The following HTN1 variants were observed in gnomAD, a reference collection of about 807,000 sequenced individuals.
The protein encoded by HTN1 is histatin-1.
HTN1 carries 18 observed loss-of-function variants against 11.2 expected under a neutral mutation model. The ratio of observed to expected loss-of-function variants is 1.61; its 90% confidence interval spans 1.12 to 2.39. The LOEUF (loss-of-function observed/expected upper bound fraction) is 2.39, where lower values mean the gene tolerates loss of function less well. Ranked by LOEUF, HTN1 falls within the 30% of genes most tolerant of loss-of-function variation. HTN1 has a pLI of 0.00. For missense variants in HTN1, 80 were observed against 67.2 expected, an observed-to-expected ratio of 1.19 and a Z score of -0.67; for synonymous variants, 21 against 20.5, an observed-to-expected ratio of 1.02 and a Z score of -0.07.
intron 1 of HTN1, among the ~76,000 whole-genome samples, 187 bp downstream of exon 1, chr4:70,050,682 G>A (rs1348575001): frequency 6.6e-6 from 1 of 151,834 alleles, no homozygotes; most frequent in East Asian, 1.9e-4. Flanking sequence ...ATTTCTAATA[G>A]GACTGTTCAA....
chr4:70,054,553 T>C, intron 4 of HTN1, 103 bp downstream of exon 4: 3 of 772,548 alleles, frequency 3.9e-6, no homozygotes, highest in Non-Finnish European at 6.3e-6. Context: ...ATCTATATCA[T>C]TAATTGCTAA....
intron 5 of HTN1, chr4:70,056,828 C>T (rs1411677822): frequency 2.0e-5 from 3 of 152,090 alleles, no homozygotes; most frequent in Non-Finnish European, 4.4e-5. Flanking sequence ...ATAAAAATCA[C>T]AATGAGATAC....
At chr4:70,050,771 C>A (rs1725872111) in intron 1 of HTN1, among the ~76,000 whole-genome samples, 1 of 151,880 alleles carries the variant, frequency 6.6e-6, no homozygotes, top group Non-Finnish European at 1.5e-5. Flanking sequence ...TTTTATTTTA[C>A]TTTCTTATTT....
At chr4:70,058,043 G>T (rs1372096350) in intron 5 of HTN1, 3 of 152,116 alleles carry the variant, frequency 2.0e-5, no homozygotes, top group Admixed American at 6.6e-5. Context: ...AAATCTATGA[G>T]ATACTAAAGA....
chr4:70,051,149 A>C (rs1725881691), intron 1 of HTN1, among the ~76,000 whole-genome samples: 1 of 152,200 alleles, frequency 6.6e-6, no homozygotes, highest in Admixed American at 6.5e-5. Flanking sequence ...CAGGAGTTCA[A>C]ATTTTACAAG....
At chr4:70,052,905 T>A in intron 1 of HTN1, 159 bp from the exon 2 acceptor site, 1 of 547,796 alleles carries the variant, frequency 1.8e-6, no homozygotes, top group Admixed American at 3.0e-5. Flanking sequence ...TGAGACCAGA[T>A]GGTCCAGGCT....
At chr4:70,050,617 G>GT (rs1705877256) in intron 1 of HTN1, 122 bp downstream of exon 1, 2 of 151,940 alleles carry the variant, frequency 1.3e-5, no homozygotes, top group African/African-American at 4.8e-5. Context: ...CTTGAATTGC[G>GT]TATTTGCCTA....
At chr4:70,058,340 G>T (rs765257315) in intron 5 of HTN1, 1 of 152,068 alleles carries the variant, frequency 6.6e-6, no homozygotes, top group African/African-American at 2.4e-5. Context: ...GTAAGATGAT[G>T]ATGGAAAACC....
chr4:70,052,347 T>G (rs1725915343), intron 1 of HTN1, among the ~76,000 whole-genome samples: 1 of 152,194 alleles, frequency 6.6e-6, no homozygotes, highest in African/African-American at 2.4e-5. Context: ...CTCTTTACAC[T>G]GTACCTTAAT....
Position 70,054,304 on chromosome 4 carries a change from A to T in HTN1, c.52-18A>T. The T allele has an allele frequency of 7.1e-7, 1 of 1,402,032 alleles. No individual in the cohort carries two copies. The highest frequency in any genetic ancestry group is 1.4e-5 in the South Asian group (1 of 73,052). 86.8% of individuals were successfully genotyped at this position (1,402,032 alleles called of 1,614,324 possible). ...AAATTAAAATATTAATTATTTTCTC[A>T]TTTTCTTTTTTTCCAAGAGCGCTGA... is the stretch of plus-strand genomic sequence containing the variant. On this transcript the variant is annotated intron_variant, in intron 2 of 5. Coordinates refer to ENST00000246896, the MANE Select transcript of HTN1 (RefSeq NM_002159.4).
intron 5 of HTN1, chr4:70,055,814 G>T: frequency 5.4e-6 from 2 of 371,368 alleles, no homozygotes; most frequent in Admixed American, 4.5e-5. Flanking sequence ...ATGTTGTTTT[G>T]GTACTGGTAC....
Position 70,055,598 on chromosome 4 carries a change from T to C in HTN1, c.*29T>C. Reference sequence around the variant, plus strand: ...CCTTAGTAATCATGGGGCATGATTATAGAGGTAAGCTGACTCTAGTTGCTT... The same window carrying C: ...CCTTAGTAATCATGGGGCATGATTACAGAGGTAAGCTGACTCTAGTTGCTT... On this transcript the variant is annotated 3_prime_UTR_variant, in exon 5 of 6. Coordinates refer to ENST00000246896, the MANE Select transcript of HTN1 (RefSeq NM_002159.4). 7.4e-7 allele frequency: 1 copy of C among 1,356,398 alleles called. No homozygotes were observed. Among genetic ancestry groups the C allele is most frequent in the Non-Finnish European group, 1.1e-6 (1 of 947,908 alleles). 84.0% of individuals were successfully genotyped at this position (1,356,398 alleles called of 1,614,324 possible). A position where few individuals can be genotyped will look rare whatever the true frequency, so the allele number is the denominator to read the frequency against.
chr4:70,051,135 A>C (rs1725880895), intron 1 of HTN1, among the ~76,000 whole-genome samples: 1 of 152,178 alleles, frequency 6.6e-6, no homozygotes, highest in African/African-American at 2.4e-5. Flanking sequence ...CATTTAACTT[A>C]AACCAGGAGT....
chr4:70,054,516 A>G, intron 4 of HTN1, 66 bp downstream of exon 4: 3 of 987,290 alleles, frequency 3.0e-6, no homozygotes, highest in Non-Finnish European at 4.7e-6. Flanking sequence ...ATTCTCCTAG[A>G]AGAATCAATA....
At position 70,053,106 on chromosome 4, in the gene HTN1, G is replaced by C; in HGVS notation, c.30G>C (p.Leu10Phe). ...AGTTTTTTGTCTTTGCTTTAGTCTTGGCTCTCATGATTTCCATGATTGTAA... is the reference window on the plus strand; with the variant it reads ...AGTTTTTTGTCTTTGCTTTAGTCTTCGCTCTCATGATTTCCATGATTGTAA... MKFFVFALVLALMISMISAD... is the reference protein window; with the variant it reads MKFFVFALVFALMISMISAD... Residue 10 changes from leucine (L) to phenylalanine (F), a missense_variant, in exon 2 of 6, where the codon TTG becomes TTC. Leu to Phe is a conservative substitution (Grantham distance 22). Coordinates refer to ENST00000246896, the MANE Select transcript of HTN1 (RefSeq NM_002159.4). The C allele has an allele frequency of 6.2e-7, 1 of 1,609,108 alleles. No homozygotes were observed. The highest frequency in any genetic ancestry group is 8.5e-7 in the Non-Finnish European group (1 of 1,175,874).
chr4:70,058,089 CAGAGTACT>C (rs1319018422), intron 5 of HTN1: 1 of 152,226 alleles, frequency 6.6e-6, no homozygotes, highest in East Asian at 1.9e-4. Context: ...TTGGAGATAA[CAGAGTACT>C]GTTCTACAAT....
At chr4:70,050,659 A>G (rs1430525272) in intron 1 of HTN1, among the ~76,000 whole-genome samples, 164 bp downstream of exon 1, 27 of 152,170 alleles carry the variant, frequency 1.8e-4, no homozygotes, top group Admixed American at 1.4e-3. Context: ...TATATTACCT[A>G]TAGAATACCA....
At chr4:70,051,841 C>A (rs371566640) in intron 1 of HTN1, among the ~76,000 whole-genome samples, 28 of 152,066 alleles carry the variant, frequency 1.8e-4, no homozygotes, top group East Asian at 1.2e-3. Flanking sequence ...TGTTATATCA[C>A]AAATGACAGG....
chr4:70,052,481 CTG>C (rs1725919412), intron 1 of HTN1, among the ~76,000 whole-genome samples: 1 of 152,166 alleles, frequency 6.6e-6, no homozygotes, highest in Admixed American at 6.6e-5. Flanking sequence ...GCTTTCCTCT[CTG>C]TTTTATTTCT....
Sources: allele counts gnomAD v4.1 joint callset (sites outside exome capture counted in the v4.1 genomes callset), GRCh38; gene constraint gnomAD v4.1.1; transcripts MANE v1.5; gene names NCBI Gene and HGNC (gene_info 2026-07-23, HGNC 2026-07-21).